The following TMEM108 variants were observed in gnomAD, a reference collection of about 807,000 sequenced individuals.
TMEM108 encodes cancer/testis antigen 124.
TMEM108 carries 12 observed loss-of-function variants against 35.1 expected under a neutral mutation model. The observed-to-expected ratio is 0.34, with a 90% CI of 0.22 to 0.55. The LOEUF (loss-of-function observed/expected upper bound fraction) is 0.55. Among genes scored for constraint, TMEM108 ranks in the 20% least tolerant of loss-of-function variants. TMEM108 has a pLI of 0.89. For missense variants in TMEM108, 680 were observed against 753.3 expected (o/e 0.90, Z 1.14); for synonymous variants, 287 against 308.6 (o/e 0.93, Z 0.73).
intron 2 of TMEM108, among the ~76,000 whole-genome samples, chr3:133,146,942 T>G (rs1193014493): frequency 6.6e-6 from 1 of 152,180 alleles, no homozygotes; most frequent in Non-Finnish European, 1.5e-5. Flanking sequence ...TTGAAGGCTT[T>G]TTCATGTCTC....
At chr3:133,261,825 C>G (rs558394717) in intron 3 of TMEM108, among the ~76,000 whole-genome samples, 3 of 152,274 alleles carry the variant, frequency 2.0e-5, no homozygotes, top group East Asian at 1.9e-4. Context: ...TTCAGGCAGA[C>G]AGATGCATTC....
At chr3:133,060,011 G>A (rs533435283) in intron 2 of TMEM108, among the ~76,000 whole-genome samples, 6 of 152,262 alleles carry the variant, frequency 3.9e-5, no homozygotes, top group African/African-American at 1.2e-4. Flanking sequence ...TAAGCACATC[G>A]TAGAGGTCAT....
At chr3:133,039,848 C>T (rs1309590450) in intron 1 of TMEM108, among the ~76,000 whole-genome samples, 1 of 152,158 alleles carries the variant, frequency 6.6e-6, no homozygotes, top group Non-Finnish European at 1.5e-5. Flanking sequence ...TGTACAACAA[C>T]ATGTTTCTTT....
At chr3:133,354,771 G>A (rs62280866) in intron 3 of TMEM108, among the ~76,000 whole-genome samples, 5 of 151,204 alleles carry the variant, frequency 3.3e-5, no homozygotes, top group African/African-American at 1.2e-4. Context: ...GCAGAAGCTT[G>A]TCACATTCTA....
chr3:133,352,398 C>T (rs1290483767), intron 3 of TMEM108, among the ~76,000 whole-genome samples: 2 of 152,190 alleles, frequency 1.3e-5, no homozygotes, highest in Non-Finnish European at 2.9e-5. Context: ...CAGACACCAA[C>T]TGGGTGTTCT....
At chr3:133,114,316 G>C (rs141542168) in intron 2 of TMEM108, among the ~76,000 whole-genome samples, 1 of 152,144 alleles carries the variant, frequency 6.6e-6, no homozygotes. Flanking sequence ...TAAAACCCTA[G>C]AATCTATGGC....
intron 3 of TMEM108, among the ~76,000 whole-genome samples, chr3:133,300,792 G>C (rs1196266808): frequency 6.6e-6 from 1 of 151,890 alleles, no homozygotes; most frequent in Non-Finnish European, 1.5e-5. Flanking sequence ...GGAGATGGGG[G>C]GTGGGAGGTA....
chr3:133,389,502 G>A, intron 4 of TMEM108: 2 of 565,804 alleles, frequency 3.5e-6, no homozygotes, highest in Non-Finnish European at 4.5e-6. Flanking sequence ...TAACCAACAT[G>A]GCAAAACCCT....
At chr3:133,051,167 A>G (rs1414873071) in intron 2 of TMEM108, among the ~76,000 whole-genome samples, 2 of 152,114 alleles carry the variant, frequency 1.3e-5, no homozygotes, top group Non-Finnish European at 2.9e-5. Context: ...CATCCTTGCA[A>G]GCATTTGGTA....
chr3:133,090,201 T>C (rs1323007998), intron 2 of TMEM108, among the ~76,000 whole-genome samples: 2 of 152,226 alleles, frequency 1.3e-5, no homozygotes. Context: ...CTGTAGGATC[T>C]GTAGTCTTTC....
At chr3:133,141,201 G>C (rs1369920086) in intron 2 of TMEM108, among the ~76,000 whole-genome samples, 1 of 152,170 alleles carries the variant, frequency 6.6e-6, no homozygotes, top group Non-Finnish European at 1.5e-5. Context: ...TGTTTCCAGA[G>C]CTATGGTGCC....
At chr3:133,038,717 C>A (rs1013230590) in intron 1 of TMEM108, among the ~76,000 whole-genome samples, 1 of 152,208 alleles carries the variant, frequency 6.6e-6, no homozygotes, top group African/African-American at 2.4e-5. Context: ...CTGGCATGAA[C>A]CCCCTCCCCA....
At chr3:133,231,893 C>G (rs1021014856) in intron 3 of TMEM108, among the ~76,000 whole-genome samples, 1 of 152,138 alleles carries the variant, frequency 6.6e-6, no homozygotes, top group Non-Finnish European at 1.5e-5. Context: ...GAGGCAGATG[C>G]TTCAAGATGA....
At chr3:133,186,096 G>T (rs1322927861) in intron 2 of TMEM108, among the ~76,000 whole-genome samples, 2 of 152,072 alleles carry the variant, frequency 1.3e-5, no homozygotes, top group African/African-American at 4.8e-5. Flanking sequence ...TCAGTCAGAG[G>T]ATGCAGTGTC....
At chr3:133,148,158 T>G (rs1944748205) in intron 2 of TMEM108, among the ~76,000 whole-genome samples, 1 of 152,218 alleles carries the variant, frequency 6.6e-6, no homozygotes, top group Non-Finnish European at 1.5e-5. Flanking sequence ...TTTCTGAATA[T>G]CATTTTCTGA....
intron 2 of TMEM108, among the ~76,000 whole-genome samples, chr3:133,223,152 C>T (rs1388378490): frequency 1.3e-5 from 2 of 152,186 alleles, no homozygotes; most frequent in Non-Finnish European, 2.9e-5. Flanking sequence ...TTGATTGTTC[C>T]TCATCCTTGT....
At chr3:133,355,134 G>C (rs2072124034) in intron 3 of TMEM108, among the ~76,000 whole-genome samples, 1 of 152,206 alleles carries the variant, frequency 6.6e-6, no homozygotes, top group Non-Finnish European at 1.5e-5. Flanking sequence ...GTATCTAAAT[G>C]TCACTGCACA....
chr3:133,150,526 T>C (rs1394922120), intron 2 of TMEM108, among the ~76,000 whole-genome samples: 1 of 152,164 alleles, frequency 6.6e-6, no homozygotes, highest in African/African-American at 2.4e-5. Flanking sequence ...GTAGCCCCAC[T>C]TGATATTTTT....
At chr3:133,373,675 G>A (rs1195543497) in intron 3 of TMEM108, among the ~76,000 whole-genome samples, 3 of 152,154 alleles carry the variant, frequency 2.0e-5, no homozygotes, top group Admixed American at 2.0e-4. Flanking sequence ...GCAAGGTTGT[G>A]TGCTGTTGCT....
Sources: allele counts gnomAD v4.1 joint callset (sites outside exome capture counted in the v4.1 genomes callset), GRCh38; gene constraint gnomAD v4.1.1; transcripts MANE v1.5; gene names NCBI Gene and HGNC (gene_info 2026-07-23, HGNC 2026-07-21).